Variants in RUFY3 observed in about 807,000 individuals in gnomAD.
RUFY3 encodes the protein protein RUFY3.
In RUFY3, 34 loss-of-function variants were observed where a neutral mutation model predicts 84.0. The ratio of observed to expected loss-of-function variants is 0.40; its 90% confidence interval spans 0.31 to 0.54. The LOEUF (loss-of-function observed/expected upper bound fraction) is 0.54, where lower values mean the gene tolerates loss of function less well. Ranked by LOEUF, RUFY3 falls within the 20% of genes least tolerant of loss-of-function variation. The probability of loss-of-function intolerance (pLI) is 0.39; values close to 1 mark genes in which losing one functional copy is unlikely to be tolerated. For missense variants in RUFY3, 507 were observed against 736.8 expected (o/e 0.69, Z 3.61); for synonymous variants, 242 against 252.9 (o/e 0.96, Z 0.41).
chr4:70,765,137 G>A (rs1453657179), intron 4 of RUFY3, among the ~76,000 whole-genome samples: 3 of 148,572 alleles, frequency 2.0e-5, no homozygotes, highest in Admixed American at 6.7e-5. Context: ...GCAGTGATCC[G>A]AGAGCGTGCC....
chr4:70,733,891 C>T (rs1477184316), intron 1 of RUFY3, among the ~76,000 whole-genome samples: 3 of 152,046 alleles, frequency 2.0e-5, no homozygotes, highest in Non-Finnish European at 4.4e-5. Flanking sequence ...ACATATTACT[C>T]TAATATGAAA....
chr4:70,714,756 C>T lies in RUFY3; in HGVS notation c.358+9462C>T, dbSNP rs571625486. Among the ~76,000 whole-genome samples, 22 of 152,212 alleles carry T rather than the reference C, an allele frequency of 1.4e-4. No homozygotes were observed. The South Asian group carries it at 4.4e-3, about 30-fold the overall frequency. On this transcript the variant is annotated intron_variant, in intron 1 of 11. Coordinates refer to the RUFY3 transcript ENST00000417478. ...ATATTTCTTTGGTGGAGCTTCTGGT[C>T]TTTGTGGAGCTAGTTATTTAGTTTC... is the stretch of plus-strand genomic sequence containing the variant.
At chr4:70,806,424 A>AT in intron 17 of RUFY3, 92 bp from the exon 18 acceptor site, 1 of 1,389,368 alleles carries the variant, frequency 7.2e-7, no homozygotes, top group Non-Finnish European at 1.0e-6. Context: ...TTGATTAGGC[A>AT]TTGAGCATTT....
intron 2 of RUFY3, among the ~76,000 whole-genome samples, chr4:70,763,045 G>A (rs1490684208): frequency 2.6e-5 from 4 of 152,146 alleles, no homozygotes; most frequent in South Asian, 2.1e-4. Flanking sequence ...CAGGTCTCCC[G>A]ACTCTTGGGT....
intron 12 of RUFY3, chr4:70,792,622 T>C: frequency 2.0e-6 from 2 of 985,438 alleles, no homozygotes; most frequent in Non-Finnish European, 2.4e-6. Context: ...TCTGGTATGC[T>C]TTGCAGCATT....
intron 5 of RUFY3, among the ~76,000 whole-genome samples, chr4:70,772,912 C>T (rs1188188477): frequency 3.3e-5 from 5 of 152,182 alleles, no homozygotes; most frequent in East Asian, 1.9e-4. Context: ...CCACCCGCTT[C>T]GGCCTCCCAA....
intron 1 of RUFY3, among the ~76,000 whole-genome samples, chr4:70,745,057 G>A (rs1721976310): frequency 6.6e-6 from 1 of 151,838 alleles, no homozygotes; most frequent in Non-Finnish European, 1.5e-5. Context: ...GATTCTTCTT[G>A]CCTCAGCCTC....
intron 1 of RUFY3, among the ~76,000 whole-genome samples, chr4:70,749,840 A>AG (rs1183972456): frequency 6.6e-6 from 1 of 151,622 alleles, no homozygotes; most frequent in African/African-American, 2.4e-5. Context: ...TTTTATGGAG[A>AG]GGGGGTCTCA....
At chr4:70,760,607 A>C (rs1304977417) in intron 1 of RUFY3, among the ~76,000 whole-genome samples, 1 of 152,014 alleles carries the variant, frequency 6.6e-6, no homozygotes, top group South Asian at 2.1e-4. Flanking sequence ...ATGTACATAC[A>C]TGCTGGTAAT....
At chr4:70,764,387 C>T (rs967252876) in intron 3 of RUFY3, 88 bp from the exon 4 acceptor site, 132 of 876,098 alleles carry the variant, frequency 1.5e-4, no homozygotes, top group Admixed American at 1.8e-4. Flanking sequence ...ACTGGAATAC[C>T]ATTAGCAAGA....
intron 12 of RUFY3, chr4:70,791,458 G>T: frequency 7.3e-7 from 1 of 1,373,164 alleles, no homozygotes; most frequent in Non-Finnish European, 9.4e-7. Context: ...TGGAAATATA[G>T]GTTGGGTTTT....
chr4:70,762,475 T>A (rs745938938), intron 1 of RUFY3, 44 bp from the exon 2 acceptor site: 1 of 1,534,012 alleles, frequency 6.5e-7, no homozygotes, highest in Non-Finnish European at 8.9e-7. Context: ...TAAAATGTGC[T>A]ATTTCTAGTA....
chr4:70,705,545 C>G (rs1050705194), intron 1 of RUFY3, among the ~76,000 whole-genome samples: 2 of 152,184 alleles, frequency 1.3e-5, no homozygotes, highest in African/African-American at 4.8e-5. Flanking sequence ...CCTGCCTGGC[C>G]TGGTCTCTCT....
intron 12 of RUFY3, chr4:70,792,301 G>T (rs928346021): frequency 2.0e-6 from 2 of 979,596 alleles, no homozygotes; most frequent in African/African-American, 3.5e-5. Flanking sequence ...TTTGCTAAAG[G>T]TTCTGGGAAG....
intron 7 of RUFY3, among the ~76,000 whole-genome samples, chr4:70,777,901 A>T (rs1728233117): frequency 6.6e-6 from 1 of 152,222 alleles, no homozygotes; most frequent in Non-Finnish European, 1.5e-5. Flanking sequence ...TCAAATGCCA[A>T]AGATAATAGC....
chr4:70,724,238 A>G (rs1012072394), intron 1 of RUFY3, among the ~76,000 whole-genome samples: 49 of 152,332 alleles, frequency 3.2e-4, no homozygotes, highest in African/African-American at 1.2e-3. Context: ...GGGAAGAAAA[A>G]TACAGTTTTA....
At chr4:70,803,560 C>T (rs1732503443) in intron 16 of RUFY3, among the ~76,000 whole-genome samples, 1 of 151,896 alleles carries the variant, frequency 6.6e-6, no homozygotes, top group Non-Finnish European at 1.5e-5. Context: ...CTTAGGCAGT[C>T]CTCCCACTTC....
At chr4:70,806,492 C>G in intron 17 of RUFY3, 24 bp from the exon 18 acceptor site, 1 of 1,612,750 alleles carries the variant, frequency 6.2e-7, no homozygotes, top group Middle Eastern at 1.7e-4. Flanking sequence ...CTTCTATTCC[C>G]CGCCTAACCT....
intron 5 of RUFY3, among the ~76,000 whole-genome samples, chr4:70,771,782 G>A (rs1727010058): frequency 6.6e-6 from 1 of 152,126 alleles, no homozygotes; most frequent in South Asian, 2.1e-4. Flanking sequence ...CTCCTGCCTC[G>A]GCCTCCCAAA....
Sources: allele counts gnomAD v4.1 joint callset (sites outside exome capture counted in the v4.1 genomes callset), GRCh38; gene constraint gnomAD v4.1.1; transcripts MANE v1.5; gene names NCBI Gene and HGNC (gene_info 2026-07-23, HGNC 2026-07-21).